Variants in MSRB3 observed in about 807,000 individuals in gnomAD.
The protein encoded by MSRB3 is methionine sulfoxide reductase B3.
MSRB3 carries 13 observed loss-of-function variants against 21.0 expected under a neutral mutation model. The observed-to-expected ratio is 0.62, with a 90% CI of 0.40 to 0.98. MSRB3 has a LOEUF of 0.98. Ranked by LOEUF, MSRB3 falls within the 50% of genes least tolerant of loss-of-function variation. The probability of loss-of-function intolerance (pLI) is 0.00; values close to 1 mark genes in which losing one functional copy is unlikely to be tolerated. For missense variants in MSRB3, 199 were observed against 230.3 expected, an observed-to-expected ratio of 0.86 and a Z score of 0.88; for synonymous variants, 87 against 88.6, an observed-to-expected ratio of 0.98 and a Z score of 0.10.
At chr12:65,375,120 C>T (rs1878537076) in intron 5 of MSRB3, among the ~76,000 whole-genome samples, 1 of 151,632 alleles carries the variant, frequency 6.6e-6, no homozygotes, top group Non-Finnish European at 1.5e-5. Flanking sequence ...GCTGGGATTA[C>T]AGGCGTGAGC....
chr12:65,403,936 C>T (rs1880270787), intron 5 of MSRB3, among the ~76,000 whole-genome samples: 2 of 152,198 alleles, frequency 1.3e-5, no homozygotes, highest in African/African-American at 4.8e-5. Context: ...GGGCTGCACC[C>T]ACTGTCTAAC....
chr12:65,309,858 T>C (rs902397157), intron 2 of MSRB3, among the ~76,000 whole-genome samples: 1 of 152,038 alleles, frequency 6.6e-6, no homozygotes, highest in East Asian at 1.9e-4. Context: ...ATATGGCTGG[T>C]TTGGATGTGC....
At chr12:65,314,367 C>A (rs73318456) in intron 2 of MSRB3, among the ~76,000 whole-genome samples, 2 of 151,882 alleles carry the variant, frequency 1.3e-5, no homozygotes, top group Admixed American at 1.3e-4. Context: ...AAGCATGAAT[C>A]GATTTTTGCA....
At chr12:65,330,427 T>G (rs1278547852) in intron 4 of MSRB3, among the ~76,000 whole-genome samples, 2 of 152,258 alleles carry the variant, frequency 1.3e-5, no homozygotes, top group Non-Finnish European at 2.9e-5. Context: ...AATTGTTTGC[T>G]TCTTTTTTAC....
At chr12:65,402,852 T>C (rs1230773444) in intron 5 of MSRB3, among the ~76,000 whole-genome samples, 3 of 152,220 alleles carry the variant, frequency 2.0e-5, no homozygotes, top group Non-Finnish European at 2.9e-5. Context: ...TCTTCTAACA[T>C]TCAGGCTCCT....
chr12:65,455,539 A>T lies in MSRB3; in HGVS notation c.390+1714A>T, dbSNP rs78142046. ...TCCTTTTTTCTCTCTGTTATTTTAC[A>T]GTTGAGGAAACTGAGGCACAAAGAG... On this transcript the variant is annotated intron_variant, in intron 6 of 6. Coordinates refer to ENST00000308259, the MANE Select transcript of MSRB3 (RefSeq NM_001031679.3). Among the ~76,000 whole-genome samples, 933 of 152,232 alleles carry T rather than the reference A, an allele frequency of 6.1e-3. 10 individuals are homozygous for T. Among genetic ancestry groups the T allele is most frequent in the African/African-American group, 0.022 (899 of 41,532 alleles).
At chr12:65,351,496 AC>A in intron 4 of MSRB3, among the ~76,000 whole-genome samples, 1 of 149,208 alleles carries the variant, frequency 6.7e-6, no homozygotes, top group South Asian at 2.1e-4. Flanking sequence ...GACACAAAAA[AC>A]CCTTCAAAAA....
chr12:65,321,968 C>T (rs987767178), intron 2 of MSRB3, among the ~76,000 whole-genome samples: 2 of 152,058 alleles, frequency 1.3e-5, no homozygotes, highest in Non-Finnish European at 2.9e-5. Flanking sequence ...TTAATAGTTT[C>T]GTTTTTTCTG....
chr12:65,458,071 T>A (rs2136710938), intron 6 of MSRB3, among the ~76,000 whole-genome samples: 1 of 152,346 alleles, frequency 6.6e-6, no homozygotes, highest in East Asian at 1.9e-4. Context: ...GTGGTGTATT[T>A]CTTTCCTTTT....
At chr12:65,441,120 G>A (rs991479011) in intron 5 of MSRB3, among the ~76,000 whole-genome samples, 2 of 151,716 alleles carry the variant, frequency 1.3e-5, no homozygotes, top group African/African-American at 4.8e-5. Flanking sequence ...AAATTTATCC[G>A]TCTGAGATTC....
At chr12:65,359,013 CTAA>C (rs1035738692) in intron 4 of MSRB3, among the ~76,000 whole-genome samples, 1 of 151,446 alleles carries the variant, frequency 6.6e-6, no homozygotes, top group Non-Finnish European at 1.5e-5. Context: ...AAATTATTAA[CTAA>C]TGATTTTTAA....
chr12:65,342,204 T>TAA (rs147724993), intron 4 of MSRB3, among the ~76,000 whole-genome samples: 2 of 146,718 alleles, frequency 1.4e-5, no homozygotes, highest in African/African-American at 5.0e-5. Flanking sequence ...AGTATATTAT[T>TAA]AAAAAAAAAA....
At chr12:65,307,242 A>T (rs1484336265) in intron 1 of MSRB3, among the ~76,000 whole-genome samples, 1 of 152,120 alleles carries the variant, frequency 6.6e-6, no homozygotes, top group African/African-American at 2.4e-5. Context: ...GTGCATTGTG[A>T]TACTTACCTT....
At chr12:65,401,226 T>A (rs573828698) in intron 5 of MSRB3, among the ~76,000 whole-genome samples, 12 of 152,306 alleles carry the variant, frequency 7.9e-5, no homozygotes, top group African/African-American at 2.2e-4. Flanking sequence ...TGTCTCCCAC[T>A]ATTATTGTAT....
At chr12:65,293,671 T>G (rs1209993600) in intron 1 of MSRB3, among the ~76,000 whole-genome samples, 2 of 152,228 alleles carry the variant, frequency 1.3e-5, no homozygotes, top group Non-Finnish European at 2.9e-5. Context: ...TCTTCCCCAC[T>G]CTGCTTCTAT....
intron 1 of MSRB3, chr12:65,281,925 C>G (rs1872045637): frequency 6.6e-6 from 1 of 152,160 alleles, no homozygotes; most frequent in Non-Finnish European, 1.5e-5. Context: ...TTTAATTTGC[C>G]AGTTGTTAGT....
chr12:65,375,245 G>A (rs1382568775), intron 5 of MSRB3, among the ~76,000 whole-genome samples: 1 of 152,144 alleles, frequency 6.6e-6, no homozygotes, highest in South Asian at 2.1e-4. Context: ...AGGCATAGTG[G>A]CTAAGTGCTG....
intron 5 of MSRB3, among the ~76,000 whole-genome samples, chr12:65,449,698 G>A (rs1882775173): frequency 6.6e-6 from 1 of 152,134 alleles, no homozygotes; most frequent in African/African-American, 2.4e-5. Flanking sequence ...GTTTCTGCTG[G>A]GTTCTGTTGA....
chr12:65,341,274 T>TC (rs1269269910), intron 4 of MSRB3, among the ~76,000 whole-genome samples: 1 of 152,018 alleles, frequency 6.6e-6, no homozygotes, highest in Non-Finnish European at 1.5e-5. Flanking sequence ...GAACTGGAGT[T>TC]CATTATGTGA....
Sources: gnomAD v4.1 joint callset for allele counts (sites outside exome capture counted in the v4.1 genomes callset) on GRCh38, gnomAD v4.1.1 for gene constraint, MANE v1.5 for transcripts, NCBI Gene and HGNC (gene_info 2026-07-23, HGNC 2026-07-21) for gene names.